Variants in GABBR2 observed in about 807,000 individuals in gnomAD.
GABBR2 encodes gamma-aminobutyric acid type B receptor subunit 2, also known as G-protein coupled receptor 51.
GABBR2 carries 23 observed loss-of-function variants against 105.6 expected under a neutral mutation model. The observed-to-expected ratio is 0.22, with a 90% CI of 0.16 to 0.31. GABBR2 has a LOEUF of 0.31. GABBR2 is among the 10% of genes least tolerant of loss of function. GABBR2 has a pLI of 1.00. For synonymous variants in GABBR2, 478 were observed against 499.7 expected, an observed-to-expected ratio of 0.96 and a Z score of 0.58; for missense variants, 734 against 1,245.5, an observed-to-expected ratio of 0.59 and a Z score of 6.18.
chr9:98,621,913 G>A (rs1222364429), intron 1 of GABBR2, among the ~76,000 whole-genome samples: 3 of 151,978 alleles, frequency 2.0e-5, no homozygotes, highest in East Asian at 3.9e-4. Flanking sequence ...TTCTTTATGG[G>A]CTTGCATGAA....
intron 3 of GABBR2, among the ~76,000 whole-genome samples, chr9:98,518,274 G>C (rs191431709): frequency 1.3e-5 from 2 of 152,174 alleles, no homozygotes; most frequent in South Asian, 4.1e-4. Context: ...TCGGACTTCA[G>C]CTCTGAAGAT....
At chr9:98,649,375 AC>A (rs1368795924) in intron 1 of GABBR2, among the ~76,000 whole-genome samples, 1 of 152,196 alleles carries the variant, frequency 6.6e-6, no homozygotes, top group Non-Finnish European at 1.5e-5. Context: ...CTGAGTGGTC[AC>A]CCAGTTTCGC....
At chr9:98,675,586 G>A (rs1180139955) in intron 1 of GABBR2, among the ~76,000 whole-genome samples, 1 of 152,180 alleles carries the variant, frequency 6.6e-6, no homozygotes, top group Non-Finnish European at 1.5e-5. Context: ...CTCAGTTTTA[G>A]CTGTGTAGGG....
chr9:98,676,059 G>A (rs1443332097), intron 1 of GABBR2, among the ~76,000 whole-genome samples: 1 of 152,230 alleles, frequency 6.6e-6, no homozygotes. Context: ...TTCTGCATAT[G>A]TGACTAAGAA....
At chr9:98,303,500 C>T in intron 15 of GABBR2, 77 bp from the exon 16 acceptor site, 1 of 1,284,068 alleles carries the variant, frequency 7.8e-7, no homozygotes, top group South Asian at 1.3e-5. Context: ...GCAGACTCTC[C>T]CAGCAGATCC....
Position 98,453,104 on chromosome 9 carries a change from G to A in GABBR2, c.1236+877C>T, listed in dbSNP as rs113031987. Among the ~76,000 whole-genome samples the A allele has an allele frequency of 3.0e-3, 461 of 152,206 alleles. 4 individuals are homozygous for A. The highest frequency in any genetic ancestry group is 0.011 in the African/African-American group (446 of 41,534). Reference sequence around the variant, plus strand: ...TGCAATGACGCGATCTCAGCTCACTGCAACCTCTGCTTCCCGGGTTCAAGC... The same window carrying A: ...TGCAATGACGCGATCTCAGCTCACTACAACCTCTGCTTCCCGGGTTCAAGC... On this transcript the variant is annotated intron_variant, in intron 7 of 18. Coordinates refer to ENST00000259455, the MANE Select transcript of GABBR2 (RefSeq NM_005458.8).
intron 7 of GABBR2, among the ~76,000 whole-genome samples, chr9:98,438,010 A>G (rs1256374627): frequency 6.7e-6 from 1 of 149,512 alleles, no homozygotes; most frequent in Admixed American, 6.7e-5. Flanking sequence ...CCAACCATCC[A>G]TCCACATCTA....
chr9:98,600,484 G>A (rs544465405), intron 1 of GABBR2, among the ~76,000 whole-genome samples: 5 of 152,290 alleles, frequency 3.3e-5, no homozygotes, highest in African/African-American at 1.2e-4. Context: ...GTCCCAGAAG[G>A]CAGAATACAG....
At chr9:98,305,074 C>T (rs1013925874) in intron 15 of GABBR2, among the ~76,000 whole-genome samples, 1 of 151,934 alleles carries the variant, frequency 6.6e-6, no homozygotes, top group African/African-American at 2.4e-5. Flanking sequence ...TGCCTGGCCA[C>T]CTTCCTTTAC....
intron 1 of GABBR2, among the ~76,000 whole-genome samples, chr9:98,645,824 G>A (rs929620034): frequency 6.6e-6 from 1 of 152,188 alleles, no homozygotes; most frequent in Non-Finnish European, 1.5e-5. Flanking sequence ...ATTGCTTGGT[G>A]CTTCCTATGG....
intron 1 of GABBR2, among the ~76,000 whole-genome samples, chr9:98,606,173 T>C (rs1247356354): frequency 3.3e-5 from 5 of 152,238 alleles, no homozygotes; most frequent in Admixed American, 6.5e-5. Context: ...CAGTGTATCA[T>C]TGAGGGACAT....
rs1830550421 is a variant in GABBR2, at chr9:98,306,325, A to T, written c.2025T>A (p.Ala675=). The T allele has an allele frequency of 1.2e-6, 2 of 1,613,706 alleles. No homozygotes were observed. Among genetic ancestry groups the T allele is most frequent in the East Asian group, 4.5e-5 (2 of 44,884 alleles). The change falls in exon 15 of 19, where the codon GCT becomes GCA. Residue 675 remains alanine (A), a synonymous_variant. Coordinates refer to ENST00000259455, the MANE Select transcript of GABBR2 (RefSeq NM_005458.8). This position sits in a 1 kb window ranked among gnomAD's most constrained non-coding sequence, Gnocchi z 5.4. Reference sequence around the variant, plus strand: ...GGATGCTGACGTTGCGGGTCTCCCAAGCTAAGAAACAACCGAACAACTGAA... The same window carrying T: ...GGATGCTGACGTTGCGGGTCTCCCATGCTAAGAAACAACCGAACAACTGAA... ...GLLMLFGCFL[A]WETRNVSIPA...
intron 8 of GABBR2, among the ~76,000 whole-genome samples, chr9:98,398,088 A>G (rs1482403865): frequency 1.3e-5 from 2 of 152,186 alleles, no homozygotes; most frequent in African/African-American, 4.8e-5. Flanking sequence ...GGATATGTCT[A>G]TATCCAGTCT....
At chr9:98,463,717 C>T (rs986235067) in intron 6 of GABBR2, among the ~76,000 whole-genome samples, 2 of 152,090 alleles carry the variant, frequency 1.3e-5, no homozygotes, top group African/African-American at 4.8e-5. Context: ...CTCGCTGCAA[C>T]CTCCCTGCCT....
intron 7 of GABBR2, among the ~76,000 whole-genome samples, chr9:98,417,608 G>A (rs1380324645): frequency 2.6e-5 from 4 of 152,138 alleles, no homozygotes; most frequent in African/African-American, 9.7e-5. Flanking sequence ...GGGGACAACT[G>A]GCCACATACA....
At chr9:98,631,281 C>T (rs1415958394) in intron 1 of GABBR2, among the ~76,000 whole-genome samples, 1 of 152,226 alleles carries the variant, frequency 6.6e-6, no homozygotes, top group Non-Finnish European at 1.5e-5. Context: ...GACTATCACA[C>T]TTCCTGCCAG....
intron 3 of GABBR2, among the ~76,000 whole-genome samples, chr9:98,525,703 A>G (rs1001632911): frequency 9.9e-5 from 15 of 152,216 alleles, no homozygotes; most frequent in African/African-American, 3.6e-4. Flanking sequence ...CATCCCCACA[A>G]AAACTTGTAC....
At chr9:98,539,386 A>G (rs1322370297) in intron 3 of GABBR2, among the ~76,000 whole-genome samples, 3 of 152,230 alleles carry the variant, frequency 2.0e-5, no homozygotes, top group African/African-American at 7.2e-5. Flanking sequence ...ATGCAATTCC[A>G]GGAAGCTAGA....
At chr9:98,628,001 T>C (rs566347556) in intron 1 of GABBR2, among the ~76,000 whole-genome samples, 53 of 152,328 alleles carry the variant, frequency 3.5e-4, no homozygotes, top group Middle Eastern at 3.4e-3. Flanking sequence ...CATGTTCCAA[T>C]TGTAGCTAAA....
Sources: allele counts gnomAD v4.1 joint callset (sites outside exome capture counted in the v4.1 genomes callset), GRCh38; gene constraint gnomAD v4.1.1; non-coding constraint Gnocchi (gnomAD v3.1); transcripts MANE v1.5; gene names NCBI Gene and HGNC (gene_info 2026-07-23, HGNC 2026-07-21).